Variants in MGAM observed in about 807,000 individuals in gnomAD.
MGAM encodes alpha-1,4-glucosidase.
A neutral mutation model predicts 358.8 loss-of-function variants in MGAM; 253 were observed. That is an observed-to-expected ratio of 0.71 (90% confidence interval 0.64 to 0.78). The LOEUF (loss-of-function observed/expected upper bound fraction) is 0.78, where lower values mean the gene tolerates loss of function less well. MGAM is among the 30% of genes least tolerant of loss of function. MGAM has a pLI of 0.00. For missense variants in MGAM, 3,080 were observed against 3,432.6 expected, an observed-to-expected ratio of 0.90 and a Z score of 2.57; for synonymous variants, 1,105 against 1,227.1, an observed-to-expected ratio of 0.90 and a Z score of 2.08.
intron 39 of MGAM, 41 bp downstream of exon 39, chr7:142,065,663 G>A: frequency 1.2e-6 from 2 of 1,611,886 alleles, no homozygotes; most frequent in Non-Finnish European, 1.7e-6. Flanking sequence ...AAGAAGGTGG[G>A]GACATCTTTC....
At chr7:142,083,197 CT>C (rs1814474268) in intron 52 of MGAM, 103 bp from the exon 53 acceptor site, 2 of 898,238 alleles carry the variant, frequency 2.2e-6, no homozygotes, top group African/African-American at 3.2e-5. Flanking sequence ...GCTCTTACTA[CT>C]CTACGATAGG....
chr7:142,079,274 C>A lies in MGAM; in HGVS notation c.5847+266C>A, dbSNP rs565352502. On this transcript the variant is annotated intron_variant, in intron 49 of 70. Transcript: ENST00000475668. ...ACAAGTTGGGAGGCTGCCAGTTAGG[C>A]AGGTCAAGTGAGGGCTTAGGTTTGG... Among the ~76,000 whole-genome samples the A allele has an allele frequency of 2.8e-4, 40 of 145,350 alleles. 1 individual carries two copies. Among genetic ancestry groups the A allele is most frequent in the African/African-American group, 9.5e-4 (39 of 41,070 alleles).
intron 65 of MGAM, among the ~76,000 whole-genome samples, chr7:142,096,738 C>T (rs1030929001): frequency 4.6e-5 from 7 of 152,252 alleles, no homozygotes; most frequent in African/African-American, 7.2e-5. Flanking sequence ...GTAAAGAATT[C>T]ATAACAGTCC....
intron 57 of MGAM, among the ~76,000 whole-genome samples, chr7:142,087,974 G>A (rs529131594): frequency 6.8e-6 from 1 of 146,280 alleles, no homozygotes; most frequent in East Asian, 2.0e-4. Context: ...CAGGAATATT[G>A]GAGTTAGGCC....
At chr7:142,081,735 G>A (rs1214544556) in intron 50 of MGAM, among the ~76,000 whole-genome samples, 2 of 145,564 alleles carry the variant, frequency 1.4e-5, no homozygotes, top group African/African-American at 2.4e-5. Flanking sequence ...ATGCGCTGAG[G>A]GGTGCAAGGG....
rs1327290412 is a variant in MGAM at position 142,041,968 on chromosome 7, TATTA to T, written c.2498+1123_2498+1126del. The stretch of plus-strand genomic sequence containing the variant: ...TATATACATATATATAATATATATA[TATTA>T]TATATATATAATATAATATATATAT... On this transcript the variant is annotated intron_variant, in intron 21 of 70. Coordinates refer to ENST00000475668, the MANE Select transcript of MGAM (RefSeq NM_001365693.1). 2.6e-3 allele frequency among the ~76,000 whole-genome samples: 66 copies of T among 25,432 alleles called. 3 individuals carry two copies. The highest frequency in any genetic ancestry group is 7.5e-3 in the African/African-American group (58 of 7,720). 16.7% of individuals were successfully genotyped at this position (25,432 alleles called of 152,430 possible).
intron 15 of MGAM, 135 bp downstream of exon 15, chr7:142,034,514 T>C: frequency 2.1e-6 from 2 of 963,686 alleles, no homozygotes; most frequent in Non-Finnish European, 3.1e-6. Context: ...CATTTAATGA[T>C]ACAGAATGCT....
chr7:142,022,491 A>G, intron 7 of MGAM, 52 bp downstream of exon 7: 1 of 1,560,246 alleles, frequency 6.4e-7, no homozygotes, highest in Non-Finnish European at 8.7e-7. Flanking sequence ...CTCATTCTTA[A>G]AGGTCACCTC....
chr7:142,070,866 C>A, intron 43 of MGAM, 128 bp from the exon 44 acceptor site: 3 of 1,245,992 alleles, frequency 2.4e-6, no homozygotes, highest in Non-Finnish European at 2.3e-6. Flanking sequence ...TGGGTAATAG[C>A]AGGTATGTTG....
intron 18 of MGAM, among the ~76,000 whole-genome samples, chr7:142,037,706 C>A (rs1170299484): frequency 6.6e-6 from 1 of 152,058 alleles, no homozygotes; most frequent in Non-Finnish European, 1.5e-5. Context: ...GATCCAGTTT[C>A]TTGATAGTCA....
At chr7:142,059,671 C>A (rs990088928) in intron 32 of MGAM, 71 bp downstream of exon 32, 72 of 1,594,920 alleles carry the variant, frequency 4.5e-5, no homozygotes, top group Non-Finnish European at 5.8e-5. Context: ...CAGAGTTATA[C>A]TTTATTTCCA....
chr7:142,036,200 A>G lies in MGAM; in HGVS notation c.1991A>G (p.Asp664Gly). The G allele has an allele frequency of 6.2e-7, 1 of 1,612,198 alleles. No individual in the cohort carries two copies. The highest frequency in any genetic ancestry group is 8.5e-7 in the Non-Finnish European group (1 of 1,179,210). ...CCTGACATATGTGGCTTTGCTTTGG[A>G]CACCCCTGAGGAGCTCTGTAGGCGG... is the stretch of plus-strand genomic sequence containing the variant. Reference protein sequence around the residue: ...VGPDICGFALDTPEELCRRWM... With the variant: ...VGPDICGFALGTPEELCRRWM... Residue 664 changes from aspartate (D) to glycine (G), a missense_variant, in exon 17 of 71, where the codon GAC becomes GGC. Asp to Gly is a moderately conservative substitution (Grantham distance 94). Transcript: ENST00000475668.
chr7:142,041,970 T>TATATATACATATATATAA (rs1491585312), intron 21 of MGAM, among the ~76,000 whole-genome samples: 7 of 18,626 alleles, frequency 3.8e-4, no homozygotes, highest in Admixed American at 1.2e-3. Context: ...TATATATATA[T>TATATATACATATATATAA]TATATATATA....
Position 142,058,107 on chromosome 7 carries a change from T to C in MGAM, c.3694-96T>C, listed in dbSNP as rs952234063. 3.8e-5 allele frequency: 60 copies of C among 1,568,568 alleles called. No individual in the cohort carries two copies. In the East Asian group the frequency reaches 1.3e-3, roughly 34 times the overall value. On this transcript the variant is annotated intron_variant, in intron 30 of 70. Transcript: ENST00000475668. ...TCTGGATTTCAATTAGTTAGTTGTCTAGCTTGGGGCACAGAAAAATATTCT... is the reference window on the plus strand; with the variant it reads ...TCTGGATTTCAATTAGTTAGTTGTCCAGCTTGGGGCACAGAAAAATATTCT...
At chr7:142,046,345 G>A (rs1042332462) in intron 21 of MGAM, among the ~76,000 whole-genome samples, 4 of 151,704 alleles carry the variant, frequency 2.6e-5, no homozygotes, top group African/African-American at 9.7e-5. Context: ...TTATTACCTT[G>A]TGTGCTTGGT....
chr7:142,011,344 G>A (rs1466645812), intron 3 of MGAM, among the ~76,000 whole-genome samples: 1 of 152,134 alleles, frequency 6.6e-6, no homozygotes, highest in Non-Finnish European at 1.5e-5. Context: ...ATAGCAGCAA[G>A]GGTATTGCAT....
intron 1 of MGAM, among the ~76,000 whole-genome samples, chr7:142,005,231 T>A (rs1235878878): frequency 6.6e-6 from 1 of 152,098 alleles, no homozygotes; most frequent in African/African-American, 2.4e-5. Context: ...ATATTAGGTA[T>A]GATAATATTT....
At chr7:142,082,646 C>T (rs1163742271) in intron 52 of MGAM, 75 bp downstream of exon 52, 8 of 1,171,276 alleles carry the variant, frequency 6.8e-6, no homozygotes, top group Non-Finnish European at 9.7e-6. Context: ...TGTGTTTAGC[C>T]TAACTGTTCC....
In MGAM at chr7:142,065,365, G is replaced by T. The variant is rs1812619296; in HGVS notation, c.4515G>T (p.Gly1505=). The part of the protein sequence containing the change: ...EAVQEVTGQR[G]VVITRSTFPS... The stretch of plus-strand genomic sequence containing the variant: ...TGCAGGAGGTGACGGGACAGCGAGG[G>T]GTCGTCATCACCCGCTCCACATTTC... Residue 1505 remains glycine, a synonymous_variant, in exon 38 of 71, where the codon GGG becomes GGT. Coordinates refer to ENST00000475668, the MANE Select transcript of MGAM (RefSeq NM_001365693.1). The T allele has an allele frequency of 6.2e-7, 1 of 1,610,500 alleles. No homozygotes were observed. Among genetic ancestry groups the T allele is most frequent in the Non-Finnish European group, 8.5e-7 (1 of 1,178,580 alleles).
Sources: gnomAD v4.1 joint callset for allele counts (sites outside exome capture counted in the v4.1 genomes callset) on GRCh38, gnomAD v4.1.1 for gene constraint, MANE v1.5 for transcripts, NCBI Gene and HGNC (gene_info 2026-07-23, HGNC 2026-07-21) for gene names.